The following BACH2 variants were observed in gnomAD, a reference collection of about 807,000 sequenced individuals.
The protein encoded by BACH2 is BACH transcriptional regulator 2, also known as transcription regulator protein BACH2.
In BACH2, 5 loss-of-function variants were observed where a neutral mutation model predicts 61.8. That is an observed-to-expected ratio of 0.08 (90% CI 0.04 to 0.17). The LOEUF (loss-of-function observed/expected upper bound fraction) is 0.17. Among genes scored for constraint, BACH2 ranks in the 10% least tolerant of loss-of-function variants. The probability of loss-of-function intolerance (pLI) is 1.00; values close to 1 mark genes in which losing one functional copy is unlikely to be tolerated. For synonymous variants in BACH2, 446 were observed against 440.1 expected, an observed-to-expected ratio of 1.01 and a Z score of -0.17; for missense variants, 824 against 1,091.1, an observed-to-expected ratio of 0.76 and a Z score of 3.45.
At chr6:90,177,883 T>C (rs1229084455) in intron 4 of BACH2, among the ~76,000 whole-genome samples, 4 of 152,198 alleles carry the variant, frequency 2.6e-5, no homozygotes, top group Non-Finnish European at 4.4e-5. Flanking sequence ...TTTCTAGATA[T>C]TGGCCTTGAA....
rs538018864 is a variant in BACH2 at position 90,132,486 on chromosome 6, T to C, written c.-161-43377A>G. ...GATTTTATCTTTCTGGTTCCTCTGT[T>C]GTCCTGGCCCCACCAATATTCATAT... On this transcript the variant is annotated intron_variant, in intron 4 of 8. Coordinates refer to ENST00000257749, the MANE Select transcript of BACH2 (RefSeq NM_021813.4). Among the ~76,000 whole-genome samples the C allele has an allele frequency of 9.2e-5, 14 of 152,298 alleles. No homozygotes were observed. In the South Asian group the frequency reaches 1.7e-3, roughly 18 times the overall value.
intron 2 of BACH2, among the ~76,000 whole-genome samples, chr6:90,261,610 G>C (rs1043058477): frequency 6.6e-6 from 1 of 152,002 alleles, no homozygotes; most frequent in African/African-American, 2.4e-5. Context: ...CTTTGGGTTC[G>C]TGGAGCACCC....
At chr6:89,933,109 A>G (rs575852403) in intron 8 of BACH2, among the ~76,000 whole-genome samples, 1 of 152,152 alleles carries the variant, frequency 6.6e-6, no homozygotes, top group Non-Finnish European at 1.5e-5. Context: ...TCCCCAGGAC[A>G]TCTCTTCATC....
intron 4 of BACH2, among the ~76,000 whole-genome samples, chr6:90,169,016 G>A (rs182020850): frequency 1.1e-4 from 17 of 152,212 alleles, no homozygotes; most frequent in Admixed American, 8.5e-4. Flanking sequence ...AGTGTTGTAC[G>A]ATGTTTCCCT....
At chr6:89,949,936 G>A (rs754378271) in intron 7 of BACH2, among the ~76,000 whole-genome samples, 3 of 152,032 alleles carry the variant, frequency 2.0e-5, no homozygotes, top group Admixed American at 1.3e-4. Flanking sequence ...CAAAGCAGGT[G>A]TAGGAGGGGG....
At chr6:89,940,728 A>C (rs1773373844) in intron 7 of BACH2, among the ~76,000 whole-genome samples, 1 of 152,254 alleles carries the variant, frequency 6.6e-6, no homozygotes, top group Admixed American at 6.5e-5. Flanking sequence ...ATTTTCCAGC[A>C]GCTACATTAA....
At chr6:90,142,603 T>C (rs1229162556) in intron 4 of BACH2, among the ~76,000 whole-genome samples, 2 of 152,156 alleles carry the variant, frequency 1.3e-5, no homozygotes, top group African/African-American at 4.8e-5. Context: ...GAGTTGATTA[T>C]AAGATGATGC....
At chr6:90,129,925 A>C (rs1261856130) in intron 4 of BACH2, among the ~76,000 whole-genome samples, 1 of 152,064 alleles carries the variant, frequency 6.6e-6, no homozygotes, top group Admixed American at 6.6e-5. Flanking sequence ...TCTGGAATGC[A>C]GTGGCGCGAT....
chr6:90,022,456 T>A (rs572318349), intron 5 of BACH2, among the ~76,000 whole-genome samples: 27 of 152,234 alleles, frequency 1.8e-4, no homozygotes, highest in Admixed American at 1.6e-3. Flanking sequence ...TATTAGTGCA[T>A]GCCTGTAATC....
At chr6:89,941,580 TAATGATATG>T (rs1773432333) in intron 7 of BACH2, among the ~76,000 whole-genome samples, 1 of 152,216 alleles carries the variant, frequency 6.6e-6, no homozygotes, top group Non-Finnish European at 1.5e-5. Context: ...ACAGGGCTTC[TAATGATATG>T]AAAGAATGTT....
intron 8 of BACH2, 125 bp from the exon 9 acceptor site, chr6:89,933,015 G>T (rs1276933783): frequency 6.3e-6 from 7 of 1,114,324 alleles, no homozygotes; most frequent in Non-Finnish European, 8.7e-6. Context: ...GAATGACTAG[G>T]TCAGGCTCTA....
At chr6:89,948,519 T>C (rs1431090264) in intron 7 of BACH2, among the ~76,000 whole-genome samples, 1 of 152,132 alleles carries the variant, frequency 6.6e-6, no homozygotes, top group East Asian at 1.9e-4. Context: ...CAGGCTCCTC[T>C]TAAAGGAGAG....
In BACH2 at chr6:90,016,481, A is replaced by T. The variant is rs370535201; in HGVS notation, c.-12-7625T>A. ...AGTTATCACAATCTGCCTTCCAGTG[A>T]TATCATAATATGCTTCTTTAAGTTA... On this transcript the variant is annotated intron_variant, in intron 5 of 8. Transcript: ENST00000257749. Among the ~76,000 whole-genome samples the T allele has an allele frequency of 9.4e-4, 143 of 152,250 alleles. 2 individuals carry two copies. Among genetic ancestry groups the T allele is most frequent in the Middle Eastern group, 3.4e-3 (1 of 290 alleles).
At chr6:90,169,253 T>C (rs915132927) in intron 4 of BACH2, among the ~76,000 whole-genome samples, 8 of 152,248 alleles carry the variant, frequency 5.3e-5, no homozygotes, top group African/African-American at 1.7e-4. Flanking sequence ...AAGTGATTTA[T>C]GTATTTTTCA....
chr6:90,280,180 A>G (rs1771816329), intron 1 of BACH2, among the ~76,000 whole-genome samples: 1 of 152,192 alleles, frequency 6.6e-6, no homozygotes, highest in Admixed American at 6.5e-5. Context: ...TTATTTAAAT[A>G]TCCCTTTTGA....
chr6:90,058,768 A>G (rs567876826), intron 5 of BACH2, among the ~76,000 whole-genome samples: 248 of 152,358 alleles, frequency 1.6e-3, no homozygotes, highest in African/African-American at 5.5e-3. Flanking sequence ...ACTGGTACCA[A>G]GACAGACATA....
intron 5 of BACH2, among the ~76,000 whole-genome samples, chr6:90,058,132 G>C (rs1215529535): frequency 1.3e-5 from 2 of 152,172 alleles, no homozygotes; most frequent in Admixed American, 1.3e-4. Flanking sequence ...GGGCAATTAG[G>C]CAGGAGAAGG....
At chr6:89,987,403 T>G (rs1776302439) in intron 6 of BACH2, among the ~76,000 whole-genome samples, 1 of 152,110 alleles carries the variant, frequency 6.6e-6, no homozygotes, top group South Asian at 2.1e-4. Context: ...CCTGGCTGTG[T>G]GTGAGGGATC....
intron 6 of BACH2, among the ~76,000 whole-genome samples, chr6:89,983,394 C>T (rs1045805325): frequency 2.0e-5 from 3 of 152,184 alleles, no homozygotes; most frequent in East Asian, 1.9e-4. Flanking sequence ...AATAGCCAGG[C>T]GTGGTGGCTC....
Sources: allele counts gnomAD v4.1 joint callset (sites outside exome capture counted in the v4.1 genomes callset), GRCh38; gene constraint gnomAD v4.1.1; transcripts MANE v1.5; gene names NCBI Gene and HGNC (gene_info 2026-07-23, HGNC 2026-07-21).